Variants in SCNN1B observed in about 807,000 individuals in gnomAD.
The protein encoded by SCNN1B is epithelial sodium channel subunit beta.
SCNN1B carries 46 observed loss-of-function variants against 65.3 expected under a neutral mutation model. The ratio of observed to expected loss-of-function variants is 0.70; its 90% CI spans 0.56 to 0.90. The LOEUF (loss-of-function observed/expected upper bound fraction) is 0.90, where lower values mean the gene tolerates loss of function less well. Ranked by LOEUF, SCNN1B falls within the 40% of genes least tolerant of loss-of-function variation. SCNN1B has a pLI of 0.00. For missense variants in SCNN1B, 751 were observed against 830.5 expected (o/e 0.90, Z 1.18); for synonymous variants, 349 against 330.6 (o/e 1.06, Z -0.60).
intron 2 of SCNN1B, among the ~76,000 whole-genome samples, chr16:23,349,455 T>C (rs1461726596): frequency 6.6e-6 from 1 of 151,932 alleles, no homozygotes; most frequent in Non-Finnish European, 1.5e-5. Context: ...CCACTTGAGT[T>C]TCAAGTCAAG....
At chr16:23,371,943 G>A in intron 7 of SCNN1B, 60 bp downstream of exon 7, 3 of 1,209,590 alleles carry the variant, frequency 2.5e-6, no homozygotes, top group Non-Finnish European at 3.7e-6. Context: ...TGGGGCCAAG[G>A]CCTCAGTACT....
intron 1 of SCNN1B, among the ~76,000 whole-genome samples, chr16:23,279,953 G>C (rs1960760934): frequency 6.6e-6 from 1 of 152,206 alleles, no homozygotes; most frequent in Non-Finnish European, 1.5e-5. Flanking sequence ...TCATCCTGCT[G>C]AGACTTGTCG....
At chr16:23,368,031 C>A in intron 5 of SCNN1B, 72 bp downstream of exon 5, 2 of 1,194,034 alleles carry the variant, frequency 1.7e-6, no homozygotes, top group Non-Finnish European at 2.5e-6. Flanking sequence ...ACTGAAAGAC[C>A]ATCAGCTGTT....
At chr16:23,299,653 A>G (rs893988647), upstream of SCNN1B, among the ~76,000 whole-genome samples, 16 of 152,220 alleles carry the variant, frequency 1.1e-4, no homozygotes, top group Non-Finnish European at 2.2e-4. Context: ...ACCATCTCAC[A>G]CCAGTTAGAA....
intron 2 of SCNN1B, among the ~76,000 whole-genome samples, chr16:23,289,653 T>C (rs1228434344): frequency 2.0e-5 from 3 of 151,404 alleles, no homozygotes; most frequent in African/African-American, 7.3e-5. Context: ...AGCTTTACTG[T>C]TTACTACTCC....
chr16:23,376,932 C>G (rs1186318292), intron 8 of SCNN1B, among the ~76,000 whole-genome samples: 1 of 152,152 alleles, frequency 6.6e-6, no homozygotes, highest in Non-Finnish European at 1.5e-5. Flanking sequence ...ATGGGGATGG[C>G]CGGCAAAGGG....
chr16:23,316,264 C>T (rs551581577), intron 1 of SCNN1B, among the ~76,000 whole-genome samples: 1 of 150,658 alleles, frequency 6.6e-6, no homozygotes, highest in South Asian at 2.1e-4. Flanking sequence ...CAACCATTAT[C>T]ACCATCTTCA....
At chr16:23,301,990 G>A (rs1362091175), upstream of SCNN1B, among the ~76,000 whole-genome samples, 3 of 152,142 alleles carry the variant, frequency 2.0e-5, no homozygotes, top group Non-Finnish European at 4.4e-5. Context: ...GTGGGATGGA[G>A]TGTTCATATA....
chr16:23,318,798 C>A (rs979886202), intron 1 of SCNN1B, among the ~76,000 whole-genome samples: 7 of 152,180 alleles, frequency 4.6e-5, no homozygotes, highest in African/African-American at 1.4e-4. Flanking sequence ...GGCGCAGAGT[C>A]ACCCATAGGA....
intron 1 of SCNN1B, among the ~76,000 whole-genome samples, chr16:23,331,411 G>A (rs1221714129): frequency 6.7e-6 from 1 of 149,062 alleles, no homozygotes; most frequent in Non-Finnish European, 1.5e-5. Flanking sequence ...TACAACCTCT[G>A]CCTCCTGGGT....
At chr16:23,371,092 G>C (rs921186371) in intron 5 of SCNN1B, among the ~76,000 whole-genome samples, 1 of 152,206 alleles carries the variant, frequency 6.6e-6, no homozygotes, top group African/African-American at 2.4e-5. Flanking sequence ...CTAGGGAGGA[G>C]GCTACGTAAG....
Position 23,348,064 on chromosome 16 carries a change from C to T in SCNN1B, c.-8-528C>T, listed in dbSNP as rs1358691699. ...ACAGGACACATTCCATTGCAGAGCA[C>T]TCACACACAGTCACACTCACTCACC... On this transcript the variant is annotated intron_variant, in intron 1 of 12. Transcript: ENST00000343070. This position sits in a 1 kb window ranked among gnomAD's most constrained non-coding sequence, Gnocchi z 4.5. 6.6e-6 allele frequency among the ~76,000 whole-genome samples: 1 copy of T among 152,222 alleles called. No homozygotes were observed. Among genetic ancestry groups the T allele is most frequent in the Non-Finnish European group, 1.5e-5 (1 of 68,048 alleles).
chr16:23,359,579 C>T (rs913025285), intron 4 of SCNN1B, among the ~76,000 whole-genome samples: 2 of 152,170 alleles, frequency 1.3e-5, no homozygotes, highest in African/African-American at 2.4e-5. Flanking sequence ...CGGTGCTGGG[C>T]CACAGACACT....
At chr16:23,279,927 C>T (rs1960760498) in intron 1 of SCNN1B, among the ~76,000 whole-genome samples, 1 of 152,154 alleles carries the variant, frequency 6.6e-6, no homozygotes. Context: ...ATCTGTCATG[C>T]CTACTAGCAC....
At chr16:23,346,200 C>CTTTTT (rs753802362) in intron 1 of SCNN1B, among the ~76,000 whole-genome samples, 1,814 of 78,030 alleles carry the variant, frequency 0.023, 84 homozygotes, top group Non-Finnish European at 0.028. Flanking sequence ...TTTTCCTTTT[C>CTTTTT]TTTTTTTTTT....
At chr16:23,300,657 A>G (rs540688471), upstream of SCNN1B, among the ~76,000 whole-genome samples, 3 of 152,142 alleles carry the variant, frequency 2.0e-5, no homozygotes, top group East Asian at 5.8e-4. Context: ...GTAACACAGC[A>G]AGACTTTGTC....
chr16:23,375,441 C>G (rs941485513), intron 7 of SCNN1B, among the ~76,000 whole-genome samples: 2 of 152,138 alleles, frequency 1.3e-5, no homozygotes, highest in Non-Finnish European at 2.9e-5. Context: ...CCGCTCTTCC[C>G]CATGTTGAAG....
At chr16:23,377,587 C>CTCT (rs1962932043) in intron 10 of SCNN1B, among the ~76,000 whole-genome samples, 1 of 139,308 alleles carries the variant, frequency 7.2e-6, no homozygotes, top group African/African-American at 3.1e-5. Flanking sequence ...TTCCTCCCTC[C>CTCT]CTTCTCCCTT....
At chr16:23,310,044 A>G (rs1430334504) in intron 1 of SCNN1B, among the ~76,000 whole-genome samples, 1 of 152,018 alleles carries the variant, frequency 6.6e-6, no homozygotes, top group Non-Finnish European at 1.5e-5. Context: ...TCAAATCAAG[A>G]AGCACGCCCC....
Sources: gnomAD v4.1 joint callset for allele counts (sites outside exome capture counted in the v4.1 genomes callset) on GRCh38, gnomAD v4.1.1 for gene constraint, Gnocchi (gnomAD v3.1) non-coding constraint, MANE v1.5 for transcripts, NCBI Gene and HGNC (gene_info 2026-07-23, HGNC 2026-07-21) for gene names.